NCOA1: variants seen among roughly 807,000 people sequenced by gnomAD.
The protein encoded by NCOA1 is Hin-2 protein.
Under a neutral mutation model 150.9 loss-of-function variants are expected in NCOA1, and 35 were observed. That is an observed-to-expected ratio of 0.23 (90% CI 0.18 to 0.31). NCOA1 has a LOEUF of 0.31. Ranked by LOEUF, NCOA1 falls within the 10% of genes least tolerant of loss-of-function variation. The probability of loss-of-function intolerance (pLI) is 1.00; values close to 1 mark genes in which losing one functional copy is unlikely to be tolerated. For missense variants in NCOA1, 1,491 were observed against 1,749.3 expected, an observed-to-expected ratio of 0.85 and a Z score of 2.63; for synonymous variants, 590 against 630.0, an observed-to-expected ratio of 0.94 and a Z score of 0.95.
At chr2:24,637,958 A>G (rs1670014595) in intron 3 of NCOA1, among the ~76,000 whole-genome samples, 1 of 152,110 alleles carries the variant, frequency 6.6e-6, no homozygotes, top group Non-Finnish European at 1.5e-5. Context: ...GGCCTCCCAA[A>G]GTGCTGGGAT....
At chr2:24,710,130 G>A (rs1673666583) in intron 13 of NCOA1, among the ~76,000 whole-genome samples, 1 of 151,922 alleles carries the variant, frequency 6.6e-6, no homozygotes, top group Admixed American at 6.6e-5. Context: ...GTCTCGCTCT[G>A]TAGCCCAGGC....
At chr2:24,552,055 T>C (rs1232071801) in intron 1 of NCOA1, among the ~76,000 whole-genome samples, 1 of 152,034 alleles carries the variant, frequency 6.6e-6, no homozygotes, top group Admixed American at 6.6e-5. Flanking sequence ...TGTAGCTTTA[T>C]GGAAAGTCTT....
At chr2:24,685,716 G>A (rs932185461) in intron 8 of NCOA1, among the ~76,000 whole-genome samples, 1 of 152,174 alleles carries the variant, frequency 6.6e-6, no homozygotes, top group South Asian at 2.1e-4. Context: ...GTGTTGCTTA[G>A]CATATTTCCT....
At chr2:24,537,444 A>G (rs991671583) in intron 1 of NCOA1, among the ~76,000 whole-genome samples, 2 of 151,942 alleles carry the variant, frequency 1.3e-5, no homozygotes, top group South Asian at 2.1e-4. Flanking sequence ...GTATATATAC[A>G]TAATATATTT....
chr2:24,763,325 G>A (rs1423199170), intron 22 of NCOA1, among the ~76,000 whole-genome samples: 1 of 151,840 alleles, frequency 6.6e-6, no homozygotes, highest in African/African-American at 2.4e-5. Flanking sequence ...GGATCACAAG[G>A]TCAGGAGATT....
chr2:24,537,815 ATC>A (rs1389830061), intron 1 of NCOA1, among the ~76,000 whole-genome samples: 1 of 152,140 alleles, frequency 6.6e-6, no homozygotes, highest in Non-Finnish European at 1.5e-5. Context: ...ATCTATATAT[ATC>A]TCATAATGTT....
At chr2:24,698,216 G>GAA (rs5829930) in intron 11 of NCOA1, among the ~76,000 whole-genome samples, 2 of 151,826 alleles carry the variant, frequency 1.3e-5, no homozygotes, top group South Asian at 4.2e-4. Flanking sequence ...AACCAAAGAA[G>GAA]AAAAAAATTA....
intron 6 of NCOA1, among the ~76,000 whole-genome samples, chr2:24,671,382 G>C (rs1671676146): frequency 6.6e-6 from 1 of 152,224 alleles, no homozygotes; most frequent in Admixed American, 6.5e-5. Context: ...AGTAGCCAGG[G>C]GCAGTGGTGC....
chr2:24,723,343 A>G (rs1674452082), intron 14 of NCOA1, among the ~76,000 whole-genome samples: 1 of 152,226 alleles, frequency 6.6e-6, no homozygotes, highest in African/African-American at 2.4e-5. Flanking sequence ...ACCAGAATTT[A>G]CTTAACCAGT....
chr2:24,687,272 C>T (rs1216603353), intron 8 of NCOA1, among the ~76,000 whole-genome samples: 1 of 152,152 alleles, frequency 6.6e-6, no homozygotes, highest in Non-Finnish European at 1.5e-5. Flanking sequence ...TTTGTAGACA[C>T]CTTCAGAAAG....
chr2:24,625,398 G>A (rs900183057), intron 3 of NCOA1, among the ~76,000 whole-genome samples: 1 of 150,960 alleles, frequency 6.6e-6, no homozygotes, highest in Admixed American at 6.6e-5. Context: ...TGAAGGAAAG[G>A]TGAGAATGTG....
At chr2:24,710,122 C>A (rs1207618713) in intron 13 of NCOA1, among the ~76,000 whole-genome samples, 1 of 151,808 alleles carries the variant, frequency 6.6e-6, no homozygotes, top group Non-Finnish European at 1.5e-5. Flanking sequence ...AGATGGGAGT[C>A]TCGCTCTGTA....
At chr2:24,602,466 G>A (rs899098910) in intron 3 of NCOA1, among the ~76,000 whole-genome samples, 8 of 152,140 alleles carry the variant, frequency 5.3e-5, no homozygotes, top group Non-Finnish European at 5.9e-5. Flanking sequence ...CTGCCTAAGT[G>A]CTGGGATTAC....
intron 1 of NCOA1, among the ~76,000 whole-genome samples, chr2:24,504,951 A>G (rs1279825677): frequency 1.3e-5 from 2 of 151,784 alleles, no homozygotes; most frequent in East Asian, 3.9e-4. Context: ...ATTAATTAAA[A>G]CCTGTTTTCT....
At chr2:24,619,453 C>T (rs1669020666) in intron 3 of NCOA1, among the ~76,000 whole-genome samples, 1 of 152,136 alleles carries the variant, frequency 6.6e-6, no homozygotes. Flanking sequence ...TCTCAACTAC[C>T]CTTATCTGAC....
At chr2:24,595,851 A>T (rs963066086) in intron 3 of NCOA1, among the ~76,000 whole-genome samples, 26 of 152,098 alleles carry the variant, frequency 1.7e-4, no homozygotes, top group African/African-American at 6.3e-4. Flanking sequence ...AATTTGCCTC[A>T]ATTATTTCAT....
At chr2:24,667,687 T>C (rs1671492675) in intron 6 of NCOA1, among the ~76,000 whole-genome samples, 1 of 152,164 alleles carries the variant, frequency 6.6e-6, no homozygotes, top group South Asian at 2.1e-4. Context: ...TTTACTTCTT[T>C]ACCTTTGTTT....
At chr2:24,671,949 GT>G (rs747969013) in intron 6 of NCOA1, among the ~76,000 whole-genome samples, 29 of 152,196 alleles carry the variant, frequency 1.9e-4, no homozygotes, top group Non-Finnish European at 2.8e-4. Flanking sequence ...GTACTGTATT[GT>G]TTAGGGAATA....
At position 24,707,607 on chromosome 2, in the gene NCOA1, G is replaced by C; in HGVS notation, c.2137G>C (p.Asp713His). 1 of 1,614,174 alleles carries C rather than the reference G, an allele frequency of 6.2e-7. No homozygotes were observed. Among genetic ancestry groups the C allele is most frequent in the East Asian group, 2.2e-5 (1 of 44,888 alleles). ...TTTGTCTGTCGAGCCTGATAAAAAG[G>C]ACAGTGCATCTACTTCTGTGTCAGT... Reference protein sequence around the residue: ...TTLSVEPDKKDSASTSVSVTG... With the variant: ...TTLSVEPDKKHSASTSVSVTG... The change falls in exon 13 of 23, where the codon GAC becomes CAC. Residue 713 changes from aspartate (D) to histidine (H), a missense_variant. This residue lies in a region of NCOA1 where 703 missense variants were observed against 717.7 expected (regional missense o/e 0.98). Coordinates refer to ENST00000348332, the MANE Select transcript of NCOA1 (RefSeq NM_003743.5).
Sources: allele counts gnomAD v4.1 joint callset (sites outside exome capture counted in the v4.1 genomes callset), GRCh38; gene constraint gnomAD v4.1.1; regional missense constraint gnomAD v4.1.1; transcripts MANE v1.5; gene names NCBI Gene and HGNC (gene_info 2026-07-23, HGNC 2026-07-21).